The following CPNE4 variants were observed in gnomAD, a reference collection of about 807,000 sequenced individuals.
The protein encoded by CPNE4 is copine 4, also known as copine-4.
Under a neutral mutation model 67.9 loss-of-function variants are expected in CPNE4, and 25 were observed. The observed-to-expected ratio is 0.37, with a 90% CI of 0.27 to 0.51. The LOEUF (loss-of-function observed/expected upper bound fraction) is 0.51. CPNE4 is among the 20% of genes least tolerant of loss of function. The pLI is 0.93. For synonymous variants in CPNE4, 242 were observed against 244.9 expected (o/e 0.99, Z 0.11); for missense variants, 464 against 690.8 (o/e 0.67, Z 3.68).
At chr3:131,819,406 C>T (rs1264576444) in intron 2 of CPNE4, among the ~76,000 whole-genome samples, 1 of 151,998 alleles carries the variant, frequency 6.6e-6, no homozygotes. Flanking sequence ...ACAAATAAGT[C>T]TTACAGAAGA....
At chr3:131,911,842 T>C (rs1050658562) in intron 1 of CPNE4, among the ~76,000 whole-genome samples, 15 of 152,164 alleles carry the variant, frequency 9.9e-5, no homozygotes, top group African/African-American at 3.6e-4. Context: ...TCATGAGTTC[T>C]TGTGCCTGAC....
chr3:131,570,406 T>C (rs1937279364), intron 10 of CPNE4, among the ~76,000 whole-genome samples: 1 of 152,068 alleles, frequency 6.6e-6, no homozygotes. Context: ...TACATATGTA[T>C]ACATGTGCCA....
chr3:131,713,126 TG>T (rs1202986368), intron 3 of CPNE4, among the ~76,000 whole-genome samples: 28 of 136,146 alleles, frequency 2.1e-4, no homozygotes, highest in African/African-American at 6.7e-4. Flanking sequence ...CTCCTGTAGC[TG>T]TTTTTTTTTT....
At chr3:131,664,508 T>C (rs1013502624) in intron 7 of CPNE4, among the ~76,000 whole-genome samples, 1 of 152,216 alleles carries the variant, frequency 6.6e-6, no homozygotes, top group Non-Finnish European at 1.5e-5. Context: ...TCAGACCTTA[T>C]GAAATGTTAC....
intron 2 of CPNE4, among the ~76,000 whole-genome samples, chr3:131,799,924 T>TGTGTGTGTG (rs1560339588): frequency 2.8e-4 from 2 of 7,254 alleles, no homozygotes; most frequent in African/African-American, 8.5e-4. Context: ...GTGTGTTGTG[T>TGTGTGTGTG]GTGTGTGTGT....
At chr3:131,780,268 T>C (rs2083399742) in intron 2 of CPNE4, among the ~76,000 whole-genome samples, 1 of 152,150 alleles carries the variant, frequency 6.6e-6, no homozygotes, top group South Asian at 2.1e-4. Context: ...GAAAGCAGTC[T>C]GGATATTTCT....
Position 131,930,034 on chromosome 3 carries a change from C to T in CPNE4, c.-1-24590G>A, listed in dbSNP as rs1453337448. 5.3e-5 allele frequency among the ~76,000 whole-genome samples: 8 copies of T among 152,314 alleles called. No individual in the cohort carries two copies. The South Asian group carries it at 1.7e-3, about 32-fold the overall frequency. On this transcript the variant is annotated intron_variant, in intron 1 of 15. Transcript: ENST00000429747. ...ATTTTACAAGTAGGAACTTAAGATG[C>T]ATCCCCTGGAGGTCTTGCCAGCAGC...
chr3:131,684,903 A>G (rs1583019488), intron 6 of CPNE4, among the ~76,000 whole-genome samples: 1 of 152,200 alleles, frequency 6.6e-6, no homozygotes, highest in South Asian at 2.1e-4. Flanking sequence ...AATAAGAGAT[A>G]AAGTTGGGGC....
intron 1 of CPNE4, among the ~76,000 whole-genome samples, chr3:131,926,790 T>G (rs1449513518): frequency 6.6e-6 from 1 of 152,170 alleles, no homozygotes; most frequent in Non-Finnish European, 1.5e-5. Context: ...CCAAAATTCC[T>G]TTAATACCCT....
intron 3 of CPNE4, among the ~76,000 whole-genome samples, chr3:131,702,389 A>G (rs2081322691): frequency 6.6e-6 from 1 of 152,172 alleles, no homozygotes; most frequent in African/African-American, 2.4e-5. Flanking sequence ...CACGGAGCTT[A>G]CAGTTTCTCT....
At chr3:131,716,883 CCACACCATGTA>C (rs2081705806) in intron 3 of CPNE4, among the ~76,000 whole-genome samples, 1 of 152,052 alleles carries the variant, frequency 6.6e-6, no homozygotes, top group Non-Finnish European at 1.5e-5. Context: ...CCATCAGACC[CCACACCATGTA>C]CACGTCAGCA....
chr3:131,789,881 C>A (rs575676511), intron 2 of CPNE4, among the ~76,000 whole-genome samples: 1 of 152,074 alleles, frequency 6.6e-6, no homozygotes, highest in Admixed American at 6.5e-5. Flanking sequence ...AAAGAAGGAG[C>A]CCTACATCTA....
intron 10 of CPNE4, among the ~76,000 whole-genome samples, chr3:131,568,082 C>G (rs1937150572): frequency 6.6e-6 from 1 of 151,776 alleles, no homozygotes; most frequent in Non-Finnish European, 1.5e-5. Context: ...AGGAAATAGG[C>G]TTATGATTCT....
At chr3:132,039,068 GC>G (rs1202281872), upstream of CPNE4, among the ~76,000 whole-genome samples, 12 of 152,194 alleles carry the variant, frequency 7.9e-5, no homozygotes, top group Admixed American at 2.0e-4. Flanking sequence ...CATTTTAAAT[GC>G]TAAACAGTCA....
intron 2 of CPNE4, among the ~76,000 whole-genome samples, chr3:131,784,208 C>T (rs2083495971): frequency 6.6e-6 from 1 of 151,982 alleles, no homozygotes; most frequent in South Asian, 2.1e-4. Flanking sequence ...CTGCTTGGCA[C>T]TTTCTATGCA....
At chr3:131,900,052 G>A (rs2088491615) in intron 2 of CPNE4, among the ~76,000 whole-genome samples, 1 of 152,056 alleles carries the variant, frequency 6.6e-6, no homozygotes. Context: ...CATCTGGGTA[G>A]GTGGAGTGGG....
At chr3:131,686,075 G>A in intron 5 of CPNE4, 117 bp from the exon 6 acceptor site, 1 of 632,552 alleles carries the variant, frequency 1.6e-6, no homozygotes, top group Non-Finnish European at 2.8e-6. Flanking sequence ...TTTATATGTG[G>A]AAGGGAGGCC....
intron 6 of CPNE4, among the ~76,000 whole-genome samples, chr3:131,680,192 C>A (rs115472678): frequency 0.018 from 2,679 of 150,322 alleles, 88 homozygotes; most frequent in African/African-American, 0.062. Flanking sequence ...GCTTTCTTTG[C>A]CTTTTTTGAT....
At chr3:131,875,281 A>C (rs1437091759) in intron 2 of CPNE4, among the ~76,000 whole-genome samples, 1 of 152,208 alleles carries the variant, frequency 6.6e-6, no homozygotes, top group African/African-American at 2.4e-5. Context: ...TTCCTCAGGG[A>C]TCTAGAACTA....
Sources: allele counts gnomAD v4.1 joint callset (sites outside exome capture counted in the v4.1 genomes callset), GRCh38; gene constraint gnomAD v4.1.1; transcripts MANE v1.5; gene names NCBI Gene and HGNC (gene_info 2026-07-23, HGNC 2026-07-21).